Variants in CDKAL1 observed in about 807,000 individuals in gnomAD.
The protein encoded by CDKAL1 is threonylcarbamoyladenosine tRNA methylthiotransferase.
CDKAL1 carries 32 observed loss-of-function variants against 68.2 expected under a neutral mutation model. The observed-to-expected ratio is 0.47, with a 90% CI of 0.35 to 0.63. The LOEUF is 0.63. Ranked by LOEUF, CDKAL1 falls within the 30% of genes least tolerant of loss-of-function variation. The probability of loss-of-function intolerance (pLI) is 0.00; values close to 1 mark genes in which losing one functional copy is unlikely to be tolerated. For missense variants in CDKAL1, 606 were observed against 696.7 expected, an observed-to-expected ratio of 0.87 and a Z score of 1.47; for synonymous variants, 234 against 244.3, an observed-to-expected ratio of 0.96 and a Z score of 0.39.
At chr6:21,230,772 C>A (rs1223594386) in intron 15 of CDKAL1, 76 bp from the exon 16 acceptor site, 14 of 1,166,660 alleles carry the variant, frequency 1.2e-5, no homozygotes, top group Non-Finnish European at 1.3e-5. Flanking sequence ...TTCTGGAACC[C>A]ATTGCTTGAT....
intron 13 of CDKAL1, among the ~76,000 whole-genome samples, chr6:21,172,722 A>G (rs775311102): frequency 1.3e-4 from 20 of 152,216 alleles, no homozygotes; most frequent in Admixed American, 4.6e-4. Flanking sequence ...TACCACTGCA[A>G]TCCAGCCTGG....
At chr6:21,215,905 C>T (rs1779325915) in intron 15 of CDKAL1, among the ~76,000 whole-genome samples, 1 of 152,182 alleles carries the variant, frequency 6.6e-6, no homozygotes, top group Non-Finnish European at 1.5e-5. Flanking sequence ...TAAATTTGCT[C>T]ATCAGCTGCC....
intron 9 of CDKAL1, among the ~76,000 whole-genome samples, chr6:20,879,594 T>C (rs1760711627): frequency 6.6e-6 from 1 of 152,232 alleles, no homozygotes; most frequent in African/African-American, 2.4e-5. Flanking sequence ...TGTCTCTGCC[T>C]GCTAGTCTGG....
chr6:20,901,700 A>AAAAAGT (rs1761985582), intron 9 of CDKAL1, among the ~76,000 whole-genome samples: 1 of 1,934 alleles, frequency 5.2e-4, no homozygotes. Flanking sequence ...AAAAAAAAAA[A>AAAAAGT]AAAGAAAAGA....
chr6:21,124,429 G>A (rs1476739085), intron 13 of CDKAL1, among the ~76,000 whole-genome samples: 1 of 151,964 alleles, frequency 6.6e-6, no homozygotes, highest in Non-Finnish European at 1.5e-5. Context: ...AGACTCGGGG[G>A]CATTTCCTTT....
chr6:20,733,552 A>G (rs116542009), intron 5 of CDKAL1, among the ~76,000 whole-genome samples: 2,431 of 152,328 alleles, frequency 0.016, 53 homozygotes, highest in African/African-American at 0.056. Flanking sequence ...GTTGTATAAC[A>G]AAAGTTCCCA....
intron 13 of CDKAL1, among the ~76,000 whole-genome samples, chr6:21,197,167 A>AT (rs902405776): frequency 2.0e-5 from 3 of 150,602 alleles, no homozygotes; most frequent in Non-Finnish European, 2.9e-5. Flanking sequence ...CAAAAAAAAA[A>AT]AATAATAATA....
intron 13 of CDKAL1, among the ~76,000 whole-genome samples, chr6:21,115,803 GA>G (rs927846534): frequency 7.2e-5 from 11 of 152,152 alleles, no homozygotes; most frequent in Non-Finnish European, 2.9e-5. Flanking sequence ...AAAGCCAAAG[GA>G]ATGACCCAGC....
At chr6:20,587,476 T>C (rs1053065992) in intron 4 of CDKAL1, among the ~76,000 whole-genome samples, 1 of 151,732 alleles carries the variant, frequency 6.6e-6, no homozygotes, top group African/African-American at 2.4e-5. Flanking sequence ...CTCATGCTTG[T>C]AATCCCAGCA....
chr6:21,186,458 T>C (rs1778018858), intron 13 of CDKAL1, among the ~76,000 whole-genome samples: 1 of 152,188 alleles, frequency 6.6e-6, no homozygotes, highest in African/African-American at 2.4e-5. Flanking sequence ...ATGCCACTGT[T>C]TTTTATATGG....
At chr6:20,616,114 G>T (rs1371934460) in intron 4 of CDKAL1, among the ~76,000 whole-genome samples, 1 of 149,044 alleles carries the variant, frequency 6.7e-6, no homozygotes, top group Non-Finnish European at 1.5e-5. Context: ...TATTTCTGAG[G>T]GCTCTGTTCT....
chr6:20,703,335 A>G (rs187323198), intron 5 of CDKAL1, among the ~76,000 whole-genome samples: 1 of 152,328 alleles, frequency 6.6e-6, no homozygotes, highest in East Asian at 1.9e-4. Context: ...TGTAGAGTTG[A>G]GTAGTTACGA....
chr6:20,600,292 A>T (rs1279863588), intron 4 of CDKAL1, among the ~76,000 whole-genome samples: 1 of 152,148 alleles, frequency 6.6e-6, no homozygotes, highest in African/African-American at 2.4e-5. Flanking sequence ...TAGTGAGCTG[A>T]TATAAATCTC....
intron 9 of CDKAL1, among the ~76,000 whole-genome samples, chr6:20,881,893 C>T (rs1229740003): frequency 2.0e-5 from 3 of 152,162 alleles, no homozygotes; most frequent in South Asian, 2.1e-4. Flanking sequence ...AGAACAGTTA[C>T]ACCACGTACC....
chr6:20,789,917 C>T (rs1775826402), intron 8 of CDKAL1, among the ~76,000 whole-genome samples: 1 of 152,144 alleles, frequency 6.6e-6, no homozygotes, highest in Non-Finnish European at 1.5e-5. Flanking sequence ...TTTAAGAAGA[C>T]CAAAGAGCCC....
chr6:21,172,508 G>A (rs1468177377), intron 13 of CDKAL1, among the ~76,000 whole-genome samples: 6 of 152,204 alleles, frequency 3.9e-5, no homozygotes, highest in Non-Finnish European at 8.8e-5. Flanking sequence ...CCAACACTTT[G>A]GGAGGCAGAG....
intron 13 of CDKAL1, among the ~76,000 whole-genome samples, chr6:21,177,691 G>T (rs1777639630): frequency 1.3e-5 from 2 of 149,638 alleles, no homozygotes; most frequent in African/African-American, 4.9e-5. Flanking sequence ...GTAGCAAAGA[G>T]ATATATTATC....
At chr6:20,965,946 T>G (rs1023000724) in intron 10 of CDKAL1, among the ~76,000 whole-genome samples, 7 of 152,274 alleles carry the variant, frequency 4.6e-5, no homozygotes, top group Non-Finnish European at 1.0e-4. Context: ...CACTTTTCTA[T>G]TCTACGATCC....
chr6:21,028,499 T>C (rs918330728), intron 11 of CDKAL1, among the ~76,000 whole-genome samples: 4 of 152,200 alleles, frequency 2.6e-5, no homozygotes, highest in African/African-American at 9.7e-5. Flanking sequence ...GGCTGCCTTC[T>C]TCCTGTGTCC....
Sources: gnomAD v4.1 joint callset for allele counts (sites outside exome capture counted in the v4.1 genomes callset) on GRCh38, gnomAD v4.1.1 for gene constraint, MANE v1.5 for transcripts, NCBI Gene and HGNC (gene_info 2026-07-23, HGNC 2026-07-21) for gene names.